The following ACOT12 variants were observed in gnomAD, a reference collection of about 807,000 sequenced individuals.
The protein encoded by ACOT12 is acyl-CoA thioesterase 12.
Under a neutral mutation model 67.7 loss-of-function variants are expected in ACOT12, and 51 were observed. The ratio of observed to expected loss-of-function variants is 0.75; its 90% CI spans 0.60 to 0.95. The LOEUF is 0.95. Among genes scored for constraint, ACOT12 ranks in the 40% least tolerant of loss-of-function variants. The pLI, the probability that ACOT12 is intolerant of heterozygous loss-of-function variation, is 0.00. For synonymous variants in ACOT12, 251 were observed against 244.6 expected (o/e 1.03, Z -0.24); for missense variants, 734 against 708.1 (o/e 1.04, Z -0.41).
In ACOT12 at chr5:81,335,768, A is replaced by G; in HGVS notation, c.1262T>C (p.Val421Ala). ...GAAAAATTTTTAAATTTGTTCTTAC[A>G]CAAAATGGGGGTCCCACAAAGGTCG... ...TKRPLWDPHF[V>A]SCEVIDWVSE... The change falls in exon 12 of 15, where the codon GTG becomes GCG. Residue 421 changes from valine (V) to alanine (A), a missense_variant and splice_region_variant. Transcript: ENST00000307624. 1.2e-6 allele frequency: 2 copies of G among 1,603,610 alleles called. No homozygotes were observed. The highest frequency in any genetic ancestry group is 2.3e-5 in the South Asian group (2 of 88,362).
intron 6 of ACOT12, among the ~76,000 whole-genome samples, 193 bp downstream of exon 6, chr5:81,347,581 C>T (rs531174135): frequency 6.3e-4 from 96 of 152,220 alleles, no homozygotes; most frequent in African/African-American, 2.1e-3. Context: ...AATATTTAAA[C>T]ATTCACCTTC....
downstream of ACOT12, chr5:81,329,924 T>C (rs1199701620): frequency 6.5e-6 from 1 of 152,886 alleles, no homozygotes; most frequent in African/African-American, 2.4e-5. Flanking sequence ...GTAATACATC[T>C]TGTCAAATGC....
At chr5:81,384,406 G>A (rs1760672766) in intron 2 of ACOT12, among the ~76,000 whole-genome samples, 1 of 151,944 alleles carries the variant, frequency 6.6e-6, no homozygotes, top group Non-Finnish European at 1.5e-5. Flanking sequence ...CCAAAGTGCT[G>A]GGATTACAGG....
chr5:81,392,911 C>T (rs886728081), intron 1 of ACOT12, among the ~76,000 whole-genome samples: 1 of 152,186 alleles, frequency 6.6e-6, no homozygotes, highest in Non-Finnish European at 1.5e-5. Context: ...CAGAGAGAAG[C>T]TCTCCAGTGT....
chr5:81,386,994 C>CTTTTTTTTTTTTTTTTT (rs1052387807), intron 1 of ACOT12, among the ~76,000 whole-genome samples: 4 of 128,480 alleles, frequency 3.1e-5, no homozygotes, highest in African/African-American at 6.5e-5. Flanking sequence ...GGATGAGTTC[C>CTTTTTTTTTTTTTTTTT]ATTTTTTTTT....
At chr5:81,378,395 C>A (rs1393233675) in intron 2 of ACOT12, among the ~76,000 whole-genome samples, 4 of 152,062 alleles carry the variant, frequency 2.6e-5, no homozygotes. Context: ...AGAAAAAAAC[C>A]TAGGCAATAC....
intron 8 of ACOT12, 96 bp from the exon 9 acceptor site, chr5:81,344,311 A>G (rs1004315159): frequency 6.5e-6 from 8 of 1,236,222 alleles, no homozygotes; most frequent in African/African-American, 4.5e-5. Context: ...AAATCAGTCA[A>G]AAGGGCTAAC....
chr5:81,328,800 C>T (rs1357165597), downstream of ACOT12, among the ~76,000 whole-genome samples: 1 of 152,060 alleles, frequency 6.6e-6, no homozygotes, highest in Non-Finnish European at 1.5e-5. Flanking sequence ...GACCTGTCTG[C>T]ATTATTATAA....
Position 81,347,758 on chromosome 5 carries a change from G to T in ACOT12, c.653+16C>A. ...ACTGGTCCCAAAATCATAGGCCGAA[G>T]GTCAAAACCAAGAACCTTGCAGAAA... On this transcript the variant is annotated intron_variant, in intron 6 of 14. Transcript: ENST00000307624. The T allele has an allele frequency of 6.2e-7, 1 of 1,612,114 alleles. No homozygotes were observed. The highest frequency in any genetic ancestry group is 1.1e-5 in the South Asian group (1 of 90,666).
intron 11 of ACOT12, among the ~76,000 whole-genome samples, chr5:81,340,068 C>T (rs1759141845): frequency 1.3e-5 from 2 of 150,992 alleles, no homozygotes; most frequent in Admixed American, 6.6e-5. Flanking sequence ...TATAGGGTCT[C>T]ACTCTGTTGC....
chr5:81,330,417 C>A lies in ACOT12; in HGVS notation c.1645G>T (p.Asp549Tyr), dbSNP rs778446106. The change falls in exon 15 of 15, where the codon GAT becomes TAT. Residue 549 changes from aspartate to tyrosine, a missense_variant. Transcript: ENST00000307624. Reference sequence around the variant, plus strand: ...CTTTAAAATGTGCTTACAAACCCATCATCAGGAGGATTCTCTAAGAACTGT... The same window carrying A: ...CTTTAAAATGTGCTTACAAACCCATAATCAGGAGGATTCTCTAAGAACTGT... Reference protein sequence around the residue: ...CIQFLENPPDDGFVSTF With the variant: ...CIQFLENPPDYGFVSTF 6.2e-7 allele frequency: 1 copy of A among 1,613,058 alleles called. No homozygotes were observed. Among genetic ancestry groups the A allele is most frequent in the Admixed American group, 1.7e-5 (1 of 59,744 alleles).
chr5:81,363,176 A>G (rs570844356), intron 4 of ACOT12, among the ~76,000 whole-genome samples: 1 of 152,102 alleles, frequency 6.6e-6, no homozygotes, highest in Non-Finnish European at 1.5e-5. Context: ...GAAAAAAAAA[A>G]GCCAAGAAAT....
At chr5:81,338,711 C>G (rs1434380807) in intron 11 of ACOT12, among the ~76,000 whole-genome samples, 1 of 152,224 alleles carries the variant, frequency 6.6e-6, no homozygotes, top group Non-Finnish European at 1.5e-5. Context: ...CAAGCAGGCT[C>G]AAAATCTGCT....
intron 7 of ACOT12, 77 bp downstream of exon 7, chr5:81,345,808 T>G: frequency 1.3e-6 from 2 of 1,576,218 alleles, no homozygotes. Flanking sequence ...GTTCCCATAC[T>G]CACCTCCAGG....
intron 2 of ACOT12, among the ~76,000 whole-genome samples, chr5:81,373,164 C>G (rs149631328): frequency 2.4e-4 from 37 of 152,242 alleles, no homozygotes; most frequent in African/African-American, 8.2e-4. Flanking sequence ...AAATGAGGTA[C>G]CCAGTTCATC....
intron 1 of ACOT12, among the ~76,000 whole-genome samples, chr5:81,393,098 A>G (rs1174383889): frequency 1.3e-5 from 2 of 152,170 alleles, no homozygotes; most frequent in Admixed American, 1.3e-4. Flanking sequence ...TGCCATTTTT[A>G]CTGTCATTCT....
At chr5:81,347,996 C>T (rs2153850252) in intron 5 of ACOT12, 66 bp from the exon 6 acceptor site, 1 of 1,522,164 alleles carries the variant, frequency 6.6e-7, no homozygotes, top group Non-Finnish European at 8.9e-7. Flanking sequence ...TCCAGCTTTT[C>T]CTTCCCGGCA....
chr5:81,359,766 C>T (rs1198482761), intron 5 of ACOT12, 137 bp downstream of exon 5: 8 of 920,178 alleles, frequency 8.7e-6, no homozygotes, highest in East Asian at 3.0e-5. Flanking sequence ...CTCCAGCCAC[C>T]GGGTTTGTTG....
intron 2 of ACOT12, among the ~76,000 whole-genome samples, chr5:81,375,172 G>C (rs1382199704): frequency 6.6e-6 from 1 of 152,240 alleles, no homozygotes; most frequent in African/African-American, 2.4e-5. Context: ...CCAGAAGAGA[G>C]TGGCGGCCAA....
Sources: gnomAD v4.1 joint callset for allele counts (sites outside exome capture counted in the v4.1 genomes callset) on GRCh38, gnomAD v4.1.1 for gene constraint, MANE v1.5 for transcripts, NCBI Gene and HGNC (gene_info 2026-07-23, HGNC 2026-07-21) for gene names.